Variants in CNTNAP2 observed in about 807,000 individuals in gnomAD.
CNTNAP2 encodes contactin associated protein 2.
A neutral mutation model predicts 155.2 loss-of-function variants in CNTNAP2; 98 were observed. The ratio of observed to expected loss-of-function variants is 0.63; its 90% CI spans 0.54 to 0.75. CNTNAP2 has a LOEUF of 0.75. Among genes scored for constraint, CNTNAP2 ranks in the 30% least tolerant of loss-of-function variants. The pLI, the probability that CNTNAP2 is intolerant of heterozygous loss-of-function variation, is 0.00. For missense variants in CNTNAP2, 1,727 were observed against 1,688.1 expected, an observed-to-expected ratio of 1.02 and a Z score of -0.40; for synonymous variants, 651 against 631.2, an observed-to-expected ratio of 1.03 and a Z score of -0.47.
intron 1 of CNTNAP2, among the ~76,000 whole-genome samples, chr7:146,467,922 T>A (rs1258123141): frequency 2.6e-5 from 4 of 152,148 alleles, no homozygotes; most frequent in African/African-American, 9.7e-5. Flanking sequence ...AATACATGCA[T>A]ACATGGCAGA....
intron 18 of CNTNAP2, among the ~76,000 whole-genome samples, chr7:148,181,067 T>C (rs1275070331): frequency 6.6e-6 from 1 of 152,214 alleles, no homozygotes; most frequent in African/African-American, 2.4e-5. Flanking sequence ...CTCCAGAACT[T>C]ATACCAGATT....
chr7:146,178,353 C>G lies in CNTNAP2; in HGVS notation c.97+61380C>G, dbSNP rs1261980123. On this transcript the variant is annotated intron_variant, in intron 1 of 23. Transcript: ENST00000361727. The stretch of plus-strand genomic sequence containing the variant: ...CGGCCTGGAACATATTCTTTATGTG[C>G]TTGTATTTCTTTTCTGTTAATATTT... 2.6e-5 allele frequency among the ~76,000 whole-genome samples: 4 copies of G among 152,072 alleles called. No individual in the cohort carries two copies. In the East Asian group the frequency reaches 7.7e-4, roughly 29 times the overall value.
intron 13 of CNTNAP2, among the ~76,000 whole-genome samples, chr7:147,746,809 C>T (rs1797051434): frequency 6.6e-6 from 1 of 152,118 alleles, no homozygotes; most frequent in African/African-American, 2.4e-5. Flanking sequence ...ATGAAATGTG[C>T]ACAGTTTTAC....
chr7:147,322,091 G>A (rs1370715989), intron 9 of CNTNAP2, among the ~76,000 whole-genome samples: 2 of 152,130 alleles, frequency 1.3e-5, no homozygotes, highest in Non-Finnish European at 2.9e-5. Flanking sequence ...CAATTTGAGT[G>A]CCAGATATTA....
At chr7:146,788,067 T>C (rs1450936561) in intron 2 of CNTNAP2, among the ~76,000 whole-genome samples, 2 of 152,012 alleles carry the variant, frequency 1.3e-5, no homozygotes, top group African/African-American at 4.8e-5. Flanking sequence ...GCTTCACCTC[T>C]CAATGGCACT....
chr7:148,170,200 A>G (rs1203784556), intron 17 of CNTNAP2, among the ~76,000 whole-genome samples: 1 of 152,230 alleles, frequency 6.6e-6, no homozygotes, highest in East Asian at 1.9e-4. Context: ...ACCAGGCAGA[A>G]AGAGATGGGG....
intron 3 of CNTNAP2, among the ~76,000 whole-genome samples, chr7:146,975,055 G>A (rs979079954): frequency 6.6e-5 from 10 of 152,094 alleles, no homozygotes; most frequent in South Asian, 2.1e-4. Context: ...TAATATTTTC[G>A]CAAATAGTTG....
At chr7:148,139,816 G>A (rs146995070) in intron 16 of CNTNAP2, among the ~76,000 whole-genome samples, 3,011 of 152,270 alleles carry the variant, frequency 0.02, 106 homozygotes, top group African/African-American at 0.068. Flanking sequence ...TGGGATTACA[G>A]GCATGAGCCA....
intron 1 of CNTNAP2, among the ~76,000 whole-genome samples, chr7:146,225,445 GTCAACTTGATT>G (rs1472049084): frequency 6.6e-6 from 1 of 152,162 alleles, no homozygotes; most frequent in Non-Finnish European, 1.5e-5. Context: ...CAGGAGGACA[GTCAACTTGATT>G]CTAATTAATA....
chr7:146,821,691 C>G (rs1245827485), intron 2 of CNTNAP2, among the ~76,000 whole-genome samples: 1 of 152,028 alleles, frequency 6.6e-6, no homozygotes, highest in African/African-American at 2.4e-5. Flanking sequence ...CAAAAGAAGA[C>G]ATTTAGGCAG....
At chr7:146,970,805 C>G (rs1263357695) in intron 3 of CNTNAP2, among the ~76,000 whole-genome samples, 2 of 152,124 alleles carry the variant, frequency 1.3e-5, no homozygotes, top group East Asian at 1.9e-4. Flanking sequence ...AGACTTGGAA[C>G]CAACCCAAAT....
At chr7:146,429,538 G>A (rs2129116597) in intron 1 of CNTNAP2, among the ~76,000 whole-genome samples, 1 of 152,070 alleles carries the variant, frequency 6.6e-6, no homozygotes, top group East Asian at 1.9e-4. Context: ...TCCTGTTGTT[G>A]GTGCATAGCA....
chr7:146,670,814 T>A (rs1022114381), intron 1 of CNTNAP2, among the ~76,000 whole-genome samples: 1 of 152,126 alleles, frequency 6.6e-6, no homozygotes, highest in African/African-American at 2.4e-5. Context: ...AGCTAGCCAC[T>A]CCCACACTGG....
intron 8 of CNTNAP2, among the ~76,000 whole-genome samples, chr7:147,150,545 C>G (rs1483243865): frequency 6.6e-6 from 1 of 152,132 alleles, no homozygotes; most frequent in Non-Finnish European, 1.5e-5. Context: ...TGTAAGTAGT[C>G]TAAGAATTAT....
intron 8 of CNTNAP2, among the ~76,000 whole-genome samples, chr7:147,280,349 C>G (rs1485773041): frequency 2.6e-5 from 4 of 151,880 alleles, no homozygotes; most frequent in Admixed American, 6.6e-5. Flanking sequence ...CACACATCCT[C>G]CAGCAAGTCT....
chr7:147,822,360 A>G (rs1031575114), intron 13 of CNTNAP2, among the ~76,000 whole-genome samples: 1 of 152,190 alleles, frequency 6.6e-6, no homozygotes, highest in Non-Finnish European at 1.5e-5. Context: ...TACATATCAA[A>G]AATTCTTACA....
At chr7:146,905,074 G>A (rs1221141248) in intron 3 of CNTNAP2, among the ~76,000 whole-genome samples, 6 of 152,198 alleles carry the variant, frequency 3.9e-5, no homozygotes, top group African/African-American at 1.4e-4. Context: ...CTGCATTGTT[G>A]CTTAGCCGAA....
chr7:147,701,015 C>T (rs942835219), intron 13 of CNTNAP2, among the ~76,000 whole-genome samples: 1 of 152,144 alleles, frequency 6.6e-6, no homozygotes, highest in African/African-American at 2.4e-5. Context: ...GTGCATTCCT[C>T]CACGGATGCT....
chr7:146,986,903 T>C (rs4565378), intron 3 of CNTNAP2, among the ~76,000 whole-genome samples: 93,697 of 151,768 alleles, frequency 0.62, 29,665 homozygotes, highest in East Asian at 0.94. Flanking sequence ...AGTTTTTTTC[T>C]TTTTTACTAG....
Sources: gnomAD v4.1 joint callset for allele counts (sites outside exome capture counted in the v4.1 genomes callset) on GRCh38, gnomAD v4.1.1 for gene constraint, MANE v1.5 for transcripts, NCBI Gene and HGNC (gene_info 2026-07-23, HGNC 2026-07-21) for gene names.